KLRF1: variants seen among roughly 807,000 people sequenced by gnomAD.
KLRF1 encodes the protein killer cell lectin like receptor F1.
Under a neutral mutation model 30.7 loss-of-function variants are expected in KLRF1, and 27 were observed. That is an observed-to-expected ratio of 0.88 (90% CI 0.65 to 1.21). KLRF1 has a LOEUF of 1.21. Among genes scored for constraint, KLRF1 ranks in the 50% most tolerant of loss-of-function variants. KLRF1 has a pLI of 0.00. For missense variants in KLRF1, 246 were observed against 259.3 expected, an observed-to-expected ratio of 0.95 and a Z score of 0.35; for synonymous variants, 92 against 89.3, an observed-to-expected ratio of 1.03 and a Z score of -0.17.
At chr12:9,840,871 C>A (rs886493814) in intron 3 of KLRF1, among the ~76,000 whole-genome samples, 7 of 152,084 alleles carry the variant, frequency 4.6e-5, no homozygotes, top group Admixed American at 4.6e-4. Flanking sequence ...TTTGTTCAGC[C>A]GTTATGGGAG....
intron 3 of KLRF1, among the ~76,000 whole-genome samples, chr12:9,833,995 G>T (rs1239664028): frequency 1.3e-5 from 2 of 149,612 alleles, no homozygotes; most frequent in African/African-American, 5.0e-5. Context: ...TCAGCGAAGG[G>T]GAGATAGGGG....
chr12:9,803,060 A>G, the KLRF1 span, among the ~76,000 whole-genome samples: 1 of 152,196 alleles, frequency 6.6e-6, no homozygotes, highest in South Asian at 2.1e-4. Context: ...ACTTCAAAAT[A>G]TACTGCAAGG....
At chr12:9,810,592 A>C in the KLRF1 span, among the ~76,000 whole-genome samples, 1 of 152,206 alleles carries the variant, frequency 6.6e-6, no homozygotes, top group Non-Finnish European at 1.5e-5. Flanking sequence ...GTAGGATATT[A>C]AAATGTGGTC....
At chr12:9,819,541 T>G in the KLRF1 span, among the ~76,000 whole-genome samples, 17 of 152,252 alleles carry the variant, frequency 1.1e-4, no homozygotes, top group African/African-American at 3.8e-4. Context: ...CCAGACTGTT[T>G]TTTTCACGTG....
At chr12:9,837,983 G>A (rs1867617748) in intron 3 of KLRF1, among the ~76,000 whole-genome samples, 1 of 152,138 alleles carries the variant, frequency 6.6e-6, no homozygotes. Flanking sequence ...GAACAAGAGA[G>A]TTTATATCGG....
At chr12:9,819,770 G>C in the KLRF1 span, among the ~76,000 whole-genome samples, 4 of 152,156 alleles carry the variant, frequency 2.6e-5, no homozygotes, top group Non-Finnish European at 5.9e-5. Flanking sequence ...CCCTGGCAGA[G>C]CACAGCAGCT....
the KLRF1 span, among the ~76,000 whole-genome samples, chr12:9,805,633 A>G: frequency 6.6e-6 from 1 of 152,098 alleles, no homozygotes; most frequent in Non-Finnish European, 1.5e-5. Context: ...AGAATTCACC[A>G]GATAAGTAAT....
chr12:9,804,768 G>GT, the KLRF1 span, among the ~76,000 whole-genome samples: 5 of 151,790 alleles, frequency 3.3e-5, no homozygotes, highest in Admixed American at 1.3e-4. Flanking sequence ...CACCAAATGT[G>GT]TTTTTTTGTA....
At chr12:9,810,240 A>T in the KLRF1 span, among the ~76,000 whole-genome samples, 1 of 152,154 alleles carries the variant, frequency 6.6e-6, no homozygotes, top group Non-Finnish European at 1.5e-5. Flanking sequence ...CTTTATCTGA[A>T]TCCTCCCAAA....
At chr12:9,811,277 T>A in the KLRF1 span, among the ~76,000 whole-genome samples, 1,689 of 113,928 alleles carry the variant, frequency 0.015, 33 homozygotes, top group African/African-American at 0.056. Context: ...AACTGCAGAG[T>A]ACCCCAGGAG....
intron 3 of KLRF1, among the ~76,000 whole-genome samples, chr12:9,834,039 G>C (rs926774898): frequency 6.6e-6 from 1 of 151,286 alleles, no homozygotes; most frequent in African/African-American, 2.4e-5. Context: ...GTAGGTAAAG[G>C]AAAATTACAG....
chr12:9,801,003 C>T, the KLRF1 span, among the ~76,000 whole-genome samples: 1 of 152,010 alleles, frequency 6.6e-6, no homozygotes, highest in Non-Finnish European at 1.5e-5. Context: ...CCCCTTCCCC[C>T]CATCCCCTGA....
In KLRF1 at chr12:9,832,354, G is replaced by T. The variant is rs201071032; in HGVS notation, c.124G>T (p.Gly42Ter). 6.2e-7 allele frequency: 1 copy of T among 1,609,254 alleles called. No individual in the cohort carries two copies. Among genetic ancestry groups the T allele is most frequent in the African/African-American group, 1.3e-5 (1 of 74,844 alleles). ...GTTGCACTGGTATAAAATCTTACTG[G>T]GAATATCTGGAACCGTGAATGGTAT... is the stretch of plus-strand genomic sequence containing the variant. ...VTLHWYKILL[G>*]ISGTVNGILT... Residue 42 changes from glycine to a stop codon, truncating the protein, a stop_gained, in exon 2 of 6, where the codon GGA becomes TGA. Coordinates refer to ENST00000617889, the MANE Select transcript of KLRF1 (RefSeq NM_016523.3). LOFTEE classifies it high-confidence loss of function.
Position 9,835,412 on chromosome 12 carries a change from G to A in KLRF1, c.334+1960G>A, listed in dbSNP as rs151010126. 5.2e-3 allele frequency among the ~76,000 whole-genome samples: 792 copies of A among 152,064 alleles called. 7 individuals carry two copies. Among genetic ancestry groups the A allele is most frequent in the African/African-American group, 0.019 (771 of 41,508 alleles). On this transcript the variant is annotated intron_variant, in intron 3 of 5. Transcript: ENST00000617889. ...GGTAACTGCGTAGAGGGGGAGGTTC[G>A]ATTTTCATGGTATATGAGAAAATGT...
chr12:9,842,083 A>G, intron 4 of KLRF1, 132 bp downstream of exon 4: 7 of 1,053,514 alleles, frequency 6.6e-6, no homozygotes, highest in Non-Finnish European at 9.6e-6. Context: ...TAAATTTTGT[A>G]TTCCAAGTGA....
chr12:9,812,367 G>GAAA, the KLRF1 span, among the ~76,000 whole-genome samples: 2 of 95,778 alleles, frequency 2.1e-5, no homozygotes, highest in Admixed American at 1.2e-4. Context: ...GCCGTCTCAG[G>GAAA]AAAAAAAAAA....
intron 2 of KLRF1, 118 bp from the exon 3 acceptor site, chr12:9,833,185 C>T (rs1867484228): frequency 4.7e-6 from 3 of 632,920 alleles, no homozygotes; most frequent in South Asian, 3.3e-5. Flanking sequence ...TAAAAAGATC[C>T]TAGTGACCGT....
chr12:9,840,744 C>G (rs189556985), intron 3 of KLRF1, among the ~76,000 whole-genome samples: 1 of 151,944 alleles, frequency 6.6e-6, no homozygotes, highest in Non-Finnish European at 1.5e-5. Context: ...ATGTTAACGA[C>G]GATGAGGTAC....
At chr12:9,821,557 GCTGACCCACACCTCTCTGGGGTAGAGCCC>G in the KLRF1 span, among the ~76,000 whole-genome samples, 1 of 152,140 alleles carries the variant, frequency 6.6e-6, no homozygotes, top group Non-Finnish European at 1.5e-5. Flanking sequence ...CTGAGCAATT[GCTGACCCACACCTCTCTGGGGTAGAGCCC>G]CTAGGAGGTA....
Sources: allele counts gnomAD v4.1 joint callset (sites outside exome capture counted in the v4.1 genomes callset), GRCh38; gene constraint gnomAD v4.1.1; transcripts MANE v1.5; gene names NCBI Gene and HGNC (gene_info 2026-07-23, HGNC 2026-07-21).